The following PBX4 variants were observed in gnomAD, a reference collection of about 807,000 sequenced individuals.
PBX4 encodes the protein PBX homeobox 4.
PBX4 carries 26 observed loss-of-function variants against 35.1 expected under a neutral mutation model. The ratio of observed to expected loss-of-function variants is 0.74; its 90% CI spans 0.54 to 1.03. PBX4 has a LOEUF of 1.03. PBX4 is among the 50% of genes least tolerant of loss of function. The pLI, the probability that PBX4 is intolerant of heterozygous loss-of-function variation, is 0.00. For synonymous variants in PBX4, 199 were observed against 204.2 expected (o/e 0.97, Z 0.22); for missense variants, 448 against 504.3 (o/e 0.89, Z 1.07).
intron 5 of PBX4, among the ~76,000 whole-genome samples, chr19:19,565,823 C>T (rs2061338250): frequency 6.6e-6 from 1 of 152,018 alleles, no homozygotes; most frequent in Admixed American, 6.6e-5. Context: ...GAGGCTGAGG[C>T]AGGAGAATCA....
chr19:19,572,497 C>A (rs563941529), intron 2 of PBX4, among the ~76,000 whole-genome samples: 46 of 151,886 alleles, frequency 3.0e-4, no homozygotes, highest in Non-Finnish European at 5.2e-4. Flanking sequence ...AACAGATGAA[C>A]CTTTTCTGTC....
intron 2 of PBX4, among the ~76,000 whole-genome samples, chr19:19,585,172 A>G (rs2061481292): frequency 6.6e-6 from 1 of 152,032 alleles, no homozygotes; most frequent in African/African-American, 2.4e-5. Flanking sequence ...TTAAAAATAT[A>G]AAATTAGCTG....
intron 1 of PBX4, among the ~76,000 whole-genome samples, chr19:19,602,254 TA>T (rs766027321): frequency 6.6e-6 from 1 of 151,898 alleles, no homozygotes; most frequent in Non-Finnish European, 1.5e-5. Context: ...AATAAATAAA[TA>T]AATAAATGAA....
At chr19:19,597,415 G>A (rs564157839) in intron 2 of PBX4, among the ~76,000 whole-genome samples, 2 of 152,212 alleles carry the variant, frequency 1.3e-5, no homozygotes, top group East Asian at 1.9e-4. Context: ...GTAACCATGA[G>A]CTAAGTATTA....
At chr19:19,616,457 T>C (rs2061689278) in intron 1 of PBX4, among the ~76,000 whole-genome samples, 1 of 151,720 alleles carries the variant, frequency 6.6e-6, no homozygotes, top group South Asian at 2.1e-4. Flanking sequence ...GCTGGGACCA[T>C]AGACATGCAC....
At chr19:19,601,568 A>C (rs1253091546) in intron 1 of PBX4, among the ~76,000 whole-genome samples, 1 of 152,254 alleles carries the variant, frequency 6.6e-6, no homozygotes. Context: ...ATTAAGTTTA[A>C]GGACCTTGAG....
chr19:19,568,350 T>C (rs1039080997), intron 5 of PBX4, among the ~76,000 whole-genome samples: 1 of 142,030 alleles, frequency 7.0e-6, no homozygotes. Flanking sequence ...ACTCCATCTG[T>C]ATCCCTCAGG....
chr19:19,588,374 C>G (rs2061504073), intron 2 of PBX4: 1 of 1,350,330 alleles, frequency 7.4e-7, no homozygotes, highest in Non-Finnish European at 1.1e-6. Context: ...GCAACACCAG[C>G]CTGCTTGCGG....
At chr19:19,615,152 G>A (rs1352644079) in intron 1 of PBX4, among the ~76,000 whole-genome samples, 1 of 119,846 alleles carries the variant, frequency 8.3e-6, no homozygotes, top group Non-Finnish European at 1.6e-5. Context: ...GTGACAGAGT[G>A]AGACCCTGTC....
intron 2 of PBX4, among the ~76,000 whole-genome samples, chr19:19,595,408 G>A (rs1294549886): frequency 6.6e-5 from 10 of 152,118 alleles, no homozygotes; most frequent in African/African-American, 2.4e-4. Flanking sequence ...CTTACCACAC[G>A]AATGCTGAAG....
chr19:19,617,680 T>A (rs1453061140), intron 1 of PBX4, among the ~76,000 whole-genome samples: 2 of 152,136 alleles, frequency 1.3e-5, no homozygotes, highest in African/African-American at 4.8e-5. Flanking sequence ...TTGTAAGGAT[T>A]CAATAAAAAT....
chr19:19,577,856 TA>T (rs1431054173), intron 2 of PBX4, among the ~76,000 whole-genome samples: 1 of 146,328 alleles, frequency 6.8e-6, no homozygotes, highest in East Asian at 2.1e-4. Context: ...AGACTCCATC[TA>T]AAAAAATAAT....
chr19:19,587,478 C>T (rs945664621), intron 2 of PBX4, among the ~76,000 whole-genome samples: 1 of 150,150 alleles, frequency 6.7e-6, no homozygotes, highest in South Asian at 2.1e-4. Flanking sequence ...ATCCCAGCTA[C>T]TTGGGCAGCT....
At chr19:19,614,963 CA>C (rs2061680711) in intron 1 of PBX4, among the ~76,000 whole-genome samples, 1 of 151,584 alleles carries the variant, frequency 6.6e-6, no homozygotes, top group Non-Finnish European at 1.5e-5. Flanking sequence ...AGTTCAACAC[CA>C]GCCTAGCCAA....
intron 1 of PBX4, among the ~76,000 whole-genome samples, chr19:19,609,578 C>T (rs2061651616): frequency 6.8e-6 from 1 of 146,782 alleles, no homozygotes; most frequent in Non-Finnish European, 1.5e-5. Context: ...GAGCCAGGCG[C>T]AGTGATTCAC....
At chr19:19,600,599 G>T (rs960651478) in intron 1 of PBX4, among the ~76,000 whole-genome samples, 1 of 151,668 alleles carries the variant, frequency 6.6e-6, no homozygotes, top group African/African-American at 2.4e-5. Context: ...CGGATGGATC[G>T]CCTGAGGTCA....
At chr19:19,616,650 C>A (rs2144802135) in intron 1 of PBX4, among the ~76,000 whole-genome samples, 1 of 151,804 alleles carries the variant, frequency 6.6e-6, no homozygotes, top group African/African-American at 2.4e-5. Flanking sequence ...GATTCGTAGG[C>A]CCCATGTAAT....
chr19:19,588,536 G>A (rs781617243), intron 2 of PBX4: 26 of 486,932 alleles, frequency 5.3e-5, no homozygotes, highest in Non-Finnish European at 8.7e-5. Flanking sequence ...CTCACCCTCC[G>A]AAAGTGCTGG....
At chr19:19,613,470 A>AGT in intron 1 of PBX4, among the ~76,000 whole-genome samples, 1 of 129,144 alleles carries the variant, frequency 7.7e-6, no homozygotes, top group Non-Finnish European at 1.6e-5. Flanking sequence ...AAAAAAAAAA[A>AGT]AAAGTAACTG....
Sources: gnomAD v4.1 joint callset for allele counts (sites outside exome capture counted in the v4.1 genomes callset) on GRCh38, gnomAD v4.1.1 for gene constraint, MANE v1.5 for transcripts, NCBI Gene and HGNC (gene_info 2026-07-23, HGNC 2026-07-21) for gene names.